Variants in HCK observed in about 807,000 individuals in gnomAD.
HCK encodes the protein HCK proto-oncogene, Src family tyrosine kinase.
HCK carries 40 observed loss-of-function variants against 70.4 expected under a neutral mutation model. The observed-to-expected ratio is 0.57, with a 90% CI of 0.44 to 0.74. The LOEUF (loss-of-function observed/expected upper bound fraction) is 0.74, where lower values mean the gene tolerates loss of function less well. Among genes scored for constraint, HCK ranks in the 30% least tolerant of loss-of-function variants. HCK has a pLI of 0.00. For missense variants in HCK, 568 were observed against 697.2 expected (o/e 0.81, Z 2.09); for synonymous variants, 245 against 263.2 (o/e 0.93, Z 0.67).
At chr20:32,060,042 G>T (rs930970060) in intron 1 of HCK, among the ~76,000 whole-genome samples, 1 of 152,040 alleles carries the variant, frequency 6.6e-6, no homozygotes, top group Non-Finnish European at 1.5e-5. Context: ...TCAGTACCAC[G>T]GCAGGTTAAA....
At chr20:32,090,696 G>C (rs1020275293) in intron 10 of HCK, among the ~76,000 whole-genome samples, 1 of 152,114 alleles carries the variant, frequency 6.6e-6, no homozygotes, top group Non-Finnish European at 1.5e-5. Context: ...CACCCTATCT[G>C]GGGGTCATGA....
Position 32,073,209 on chromosome 20 carries a change from A to G in HCK, c.184-110A>G, listed in dbSNP as rs1176031771. ...TGCCGTATGTGGGCCTCCTCCCACG[A>G]CATGCAGGGCTAGGGTAAGATGCTC... On this transcript the variant is annotated intron_variant, in intron 2 of 12. Transcript: ENST00000375852. 7.9e-6 allele frequency: 7 copies of G among 881,122 alleles called. No homozygotes were observed. In the Admixed American group the frequency reaches 1.6e-4, roughly 21 times the overall value. The allele number at this position is 881,122 out of a possible 1,614,324, so 54.6% of individuals were successfully genotyped here.
chr20:32,075,627 G>A (rs997311307), intron 5 of HCK, among the ~76,000 whole-genome samples: 8 of 152,118 alleles, frequency 5.3e-5, no homozygotes, highest in South Asian at 2.1e-4. Flanking sequence ...ATAACCCATC[G>A]TTCTTGGCTG....
At chr20:32,094,295 A>G (rs1243130265) in intron 11 of HCK, among the ~76,000 whole-genome samples, 1 of 152,180 alleles carries the variant, frequency 6.6e-6, no homozygotes. Flanking sequence ...CTTTGTGCAT[A>G]ACAGACAAAA....
At chr20:32,093,490 C>CGTGTGTGTGTGTGTGTGT (rs3073297) in intron 10 of HCK, among the ~76,000 whole-genome samples, 6 of 146,326 alleles carry the variant, frequency 4.1e-5, no homozygotes, top group Non-Finnish European at 6.0e-5. Flanking sequence ...TCCTAGGGTT[C>CGTGTGTGTGTGTGTGTGT]GTGTGTGTGT....
In HCK at chr20:32,099,090, A is replaced by G; in HGVS notation, c.1333A>G (p.Ile445Val). Residue 445 changes from isoleucine (I) to valine (V), a missense_variant, in exon 12 of 13, where the codon ATC becomes GTC. Coordinates refer to ENST00000375852, the MANE Select transcript of HCK (RefSeq NM_002110.5). ...CAAGTCAGACGTCTGGTCCTTTGGT[A>G]TCCTGCTGATGGAGATCGTCACCTA... is the stretch of plus-strand genomic sequence containing the variant. 1 of 1,614,176 alleles carries G rather than the reference A, an allele frequency of 6.2e-7. No homozygotes were observed. Among genetic ancestry groups the G allele is most frequent in the Non-Finnish European group, 8.5e-7 (1 of 1,180,032 alleles).
At chr20:32,093,016 C>T (rs1015786382) in intron 10 of HCK, among the ~76,000 whole-genome samples, 1 of 152,108 alleles carries the variant, frequency 6.6e-6, no homozygotes, top group Admixed American at 6.5e-5. Context: ...ACGATCTCGG[C>T]TCACTGCAGC....
intron 4 of HCK, among the ~76,000 whole-genome samples, chr20:32,074,374 G>A (rs1177845106): frequency 6.6e-6 from 1 of 152,132 alleles, no homozygotes; most frequent in African/African-American, 2.4e-5. Flanking sequence ...AAAAGGAGTG[G>A]AGCCAGAGAC....
chr20:32,058,904 G>T (rs576396138), intron 1 of HCK, among the ~76,000 whole-genome samples: 3 of 152,296 alleles, frequency 2.0e-5, no homozygotes, highest in East Asian at 3.9e-4. Flanking sequence ...GGGAACCGGG[G>T]TATTTGTCCA....
intron 12 of HCK, 86 bp downstream of exon 12, chr20:32,099,221 G>A (rs1600752776): frequency 7.8e-6 from 11 of 1,413,472 alleles, no homozygotes; most frequent in Admixed American, 7.6e-5. Flanking sequence ...TTCAAACTGA[G>A]TTCTTGATCC....
At chr20:32,086,940 A>G (rs1486379334) in intron 9 of HCK, 133 bp downstream of exon 9, 25 of 744,710 alleles carry the variant, frequency 3.4e-5, no homozygotes, top group South Asian at 6.1e-5. Flanking sequence ...ACAAGTACTC[A>G]TTGAGAATCT....
chr20:32,100,393 C>T (rs2046017651), intron 12 of HCK, among the ~76,000 whole-genome samples: 1 of 152,112 alleles, frequency 6.6e-6, no homozygotes, highest in East Asian at 1.9e-4. Flanking sequence ...TGGTGGCATT[C>T]GTGACTGGCA....
chr20:32,092,732 C>CACTGACCTCTGTGCTGTTCCAT (rs1361566238), intron 10 of HCK, among the ~76,000 whole-genome samples: 2 of 152,094 alleles, frequency 1.3e-5, no homozygotes, highest in African/African-American at 4.8e-5. Flanking sequence ...CTGCTGGCCA[C>CACTGACCTCTGTGCTGTTCCAT]ACTGACCTCT....
chr20:32,101,273 A>G, intron 12 of HCK, 44 bp from the exon 13 acceptor site: 3 of 1,590,540 alleles, frequency 1.9e-6, no homozygotes, highest in Non-Finnish European at 2.6e-6. Flanking sequence ...CTGGGCTCTC[A>G]TTTCCCAACT....
chr20:32,084,605 C>T, intron 8 of HCK, 62 bp downstream of exon 8: 1 of 1,466,230 alleles, frequency 6.8e-7, no homozygotes, highest in Non-Finnish European at 9.3e-7. Flanking sequence ...AGGCCACTTG[C>T]TTCCAGGAAC....
chr20:32,084,052 C>A lies in HCK; in HGVS notation c.682+9C>A, dbSNP rs1187011101. On this transcript the variant is annotated intron_variant, in intron 7 of 12. Coordinates refer to ENST00000375852, the MANE Select transcript of HCK (RefSeq NM_002110.5). ...GGTGGACCACTACAAGAGTGAGTCC[C>A]ACCCCAGGGGTGACATCCCCACCAC... is the stretch of plus-strand genomic sequence containing the variant. 1 of 1,612,348 alleles carries A rather than the reference C, an allele frequency of 6.2e-7. No homozygotes were observed. The highest frequency in any genetic ancestry group is 8.5e-7 in the Non-Finnish European group (1 of 1,179,568).
Position 32,084,467 on chromosome 20 carries a change from T to G in HCK, c.759T>G (p.Asp253Glu). Residue 253 changes from aspartate (D) to glutamate (E), a missense_variant, in exon 8 of 13, where the codon GAT becomes GAG. Asp to Glu is a conservative substitution (Grantham distance 45, BLOSUM62 2). Around this residue, in one of 4 missense-constraint regions of HCK, gnomAD observed 13 missense variants for 38.8 expected, o/e 0.34. Transcript: ENST00000375852. Reference sequence around the variant, plus strand: ...AGCCCCAGAAGCCTTGGGAGAAAGATGCCTGGGAGATCCCTCGGGAATCCC... The same window carrying G: ...AGCCCCAGAAGCCTTGGGAGAAAGAGGCCTGGGAGATCCCTCGGGAATCCC... 6.2e-7 allele frequency: 1 copy of G among 1,614,118 alleles called. No homozygotes were observed. Among genetic ancestry groups the G allele is most frequent in the Non-Finnish European group, 8.5e-7 (1 of 1,180,004 alleles).
At chr20:32,056,289 G>A (rs891216154) in intron 1 of HCK, among the ~76,000 whole-genome samples, 2 of 152,262 alleles carry the variant, frequency 1.3e-5, no homozygotes, top group South Asian at 2.1e-4. Flanking sequence ...TGAGGCGGGC[G>A]GATCACGAGG....
intron 11 of HCK, 32 bp from the exon 12 acceptor site, chr20:32,098,972 C>A: frequency 6.2e-7 from 1 of 1,608,594 alleles, no homozygotes; most frequent in Middle Eastern, 1.7e-4. Flanking sequence ...ACTCCCCAGC[C>A]TTCCCCGACT....
Sources: allele counts gnomAD v4.1 joint callset (sites outside exome capture counted in the v4.1 genomes callset), GRCh38; gene constraint gnomAD v4.1.1; regional missense constraint gnomAD v4.1.1; transcripts MANE v1.5; gene names NCBI Gene and HGNC (gene_info 2026-07-23, HGNC 2026-07-21).